CXADR: variants seen among roughly 807,000 people sequenced by gnomAD.
CXADR encodes coxsackievirus and adenovirus receptor.
In CXADR, 20 loss-of-function variants were observed where a neutral mutation model predicts 40.3. The observed-to-expected ratio is 0.50, with a 90% CI of 0.35 to 0.72. The LOEUF is 0.72. Ranked by LOEUF, CXADR falls within the 30% of genes least tolerant of loss-of-function variation. The probability of loss-of-function intolerance (pLI) is 0.01; values close to 1 mark genes in which losing one functional copy is unlikely to be tolerated. For missense variants in CXADR, 332 were observed against 449.1 expected, an observed-to-expected ratio of 0.74 and a Z score of 2.36; for synonymous variants, 150 against 161.3, an observed-to-expected ratio of 0.93 and a Z score of 0.53.
intron 1 of CXADR, chr21:17,519,094 C>T (rs965762663): frequency 5.5e-5 from 46 of 828,974 alleles, no homozygotes; most frequent in African/African-American, 3.6e-4. Flanking sequence ...TTCATTCCTG[C>T]GATTATACCA....
At chr21:17,534,434 T>A (rs2060727894) in intron 1 of CXADR, among the ~76,000 whole-genome samples, 1 of 152,140 alleles carries the variant, frequency 6.6e-6, no homozygotes, top group African/African-American at 2.4e-5. Flanking sequence ...AGTTAATTAG[T>A]GTTAACATAT....
chr21:17,547,705 TTCAAGTTA>T (rs1229790373), intron 2 of CXADR, among the ~76,000 whole-genome samples: 6 of 152,236 alleles, frequency 3.9e-5, no homozygotes, highest in Non-Finnish European at 7.3e-5. Flanking sequence ...TCCTTATTTT[TTCAAGTTA>T]AATATCCTGT....
the CXADR span, among the ~76,000 whole-genome samples, chr21:17,599,263 C>T: frequency 6.7e-6 from 1 of 150,336 alleles, no homozygotes; most frequent in Non-Finnish European, 1.5e-5. Context: ...GCAGACTCTA[C>T]CTCCTGGGCT....
At chr21:17,531,597 C>T (rs2060676892) in intron 1 of CXADR, among the ~76,000 whole-genome samples, 1 of 152,196 alleles carries the variant, frequency 6.6e-6, no homozygotes, top group South Asian at 2.1e-4. Flanking sequence ...ACAGGTGTCT[C>T]AGACTTGGAC....
chr21:17,575,298 C>T (rs2061313095), intron 7 of CXADR, among the ~76,000 whole-genome samples: 1 of 152,064 alleles, frequency 6.6e-6, no homozygotes, highest in Non-Finnish European at 1.5e-5. Flanking sequence ...ATACTCCTGC[C>T]TCAGCCTCTC....
intron 7 of CXADR, among the ~76,000 whole-genome samples, chr21:17,588,223 T>G (rs1040647106): frequency 5.9e-5 from 9 of 152,212 alleles, no homozygotes; most frequent in Non-Finnish European, 1.3e-4. Flanking sequence ...GCGGGCTCTT[T>G]TTTGGTTCCA....
At chr21:17,614,611 C>T in the CXADR span, among the ~76,000 whole-genome samples, 2 of 151,988 alleles carry the variant, frequency 1.3e-5, no homozygotes, top group East Asian at 3.9e-4. Context: ...GGTGTGGTTG[C>T]ATGCAGCTGT....
At chr21:17,547,226 C>G (rs2060909765) in intron 2 of CXADR, 33 bp downstream of exon 2, 1 of 1,612,802 alleles carries the variant, frequency 6.2e-7, no homozygotes, top group Non-Finnish European at 8.5e-7. Context: ...CGCTTAGCAG[C>G]TGTCTGTGCA....
At chr21:17,554,089 T>G (rs1319070411) in intron 3 of CXADR, among the ~76,000 whole-genome samples, 1 of 152,234 alleles carries the variant, frequency 6.6e-6, no homozygotes, top group African/African-American at 2.4e-5. Flanking sequence ...TTATTTATTG[T>G]GAAACCCCTG....
the CXADR span, among the ~76,000 whole-genome samples, chr21:17,600,117 AT>A: frequency 1.3e-5 from 2 of 152,178 alleles, no homozygotes; most frequent in African/African-American, 4.8e-5. Flanking sequence ...TTGTCAAAAT[AT>A]GTAACATATG....
At chr21:17,556,879 C>G (rs1365808107) in intron 3 of CXADR, among the ~76,000 whole-genome samples, 3 of 151,974 alleles carry the variant, frequency 2.0e-5, no homozygotes, top group Admixed American at 2.0e-4. Flanking sequence ...TTGAAGATAC[C>G]CCACTGAATA....
intron 7 of CXADR, among the ~76,000 whole-genome samples, chr21:17,587,598 G>A (rs2061406890): frequency 6.6e-6 from 1 of 152,036 alleles, no homozygotes; most frequent in Non-Finnish European, 1.5e-5. Flanking sequence ...TTTTTTTCTT[G>A]TAAATTTGTT....
At chr21:17,623,984 T>A in the CXADR span, among the ~76,000 whole-genome samples, 3 of 152,178 alleles carry the variant, frequency 2.0e-5, no homozygotes, top group African/African-American at 7.2e-5. Context: ...TGGCAACATT[T>A]GTCTAATTGC....
chr21:17,566,756 T>A lies in CXADR; in HGVS notation c.*1064T>A, dbSNP rs1460826984. 1.0e-6 allele frequency: 1 copy of A among 961,090 alleles called. No individual in the cohort carries two copies. Among genetic ancestry groups the A allele is most frequent in the African/African-American group, 1.8e-5 (1 of 56,718 alleles). The allele number at this position is 961,090 out of a possible 1,614,324, so 59.5% of individuals were successfully genotyped here. A position where few individuals can be genotyped will look rare whatever the true frequency, so the allele number is the denominator to read the frequency against. On this transcript the variant is annotated 3_prime_UTR_variant, in exon 7 of 7. Transcript: ENST00000284878. ...TCTTGAATATAATCCCTGGATGATATTTTTTATCATAAATGCAGAATAATC... is the reference window on the plus strand; with the variant it reads ...TCTTGAATATAATCCCTGGATGATAATTTTTATCATAAATGCAGAATAATC...
At chr21:17,609,201 G>A in the CXADR span, 1 of 1,553,722 alleles carries the variant, frequency 6.4e-7, no homozygotes, top group Non-Finnish European at 8.7e-7. Flanking sequence ...ATAAAAACTG[G>A]GAAGATGAAG....
chr21:17,524,388 C>T (rs1187944570), intron 1 of CXADR, among the ~76,000 whole-genome samples: 1 of 151,060 alleles, frequency 6.6e-6, no homozygotes, highest in African/African-American at 2.4e-5. Context: ...ATAGTGAAAC[C>T]CTGTCTCTAC....
chr21:17,541,380 G>A (rs150342767), intron 1 of CXADR, among the ~76,000 whole-genome samples: 2,056 of 151,742 alleles, frequency 0.014, 46 homozygotes, highest in African/African-American at 0.045. Flanking sequence ...GCGAAACCCC[G>A]TCTCTACTAA....
chr21:17,573,162 T>C (rs2061292441), downstream of CXADR, among the ~76,000 whole-genome samples: 3 of 152,158 alleles, frequency 2.0e-5, 1 homozygote, highest in South Asian at 6.2e-4. Flanking sequence ...CTTCCCTCTA[T>C]GCATGTCTAC....
rs964921828 is a variant in CXADR, at chr21:17,560,605, A to T, written c.572-97A>T. On this transcript the variant is annotated intron_variant, in intron 4 of 6. Transcript: ENST00000284878. Reference sequence around the variant, plus strand: ...CCAGCCTTGGTCTGTCTTGCTTTTAACTGGATTGTTTAATTTGGAGAGGAC... The same window carrying T: ...CCAGCCTTGGTCTGTCTTGCTTTTATCTGGATTGTTTAATTTGGAGAGGAC... 159 of 1,261,118 alleles carry T rather than the reference A, an allele frequency of 1.3e-4. 2 individuals are homozygous for T. The Middle Eastern group carries it at 2.0e-3, about 16-fold the overall frequency. 78.1% of individuals were successfully genotyped at this position (1,261,118 alleles called of 1,614,324 possible). A position where few individuals can be genotyped will look rare whatever the true frequency, so the allele number is the denominator to read the frequency against.
Sources: allele counts gnomAD v4.1 joint callset (sites outside exome capture counted in the v4.1 genomes callset), GRCh38; gene constraint gnomAD v4.1.1; transcripts MANE v1.5; gene names NCBI Gene and HGNC (gene_info 2026-07-23, HGNC 2026-07-21).